The following HNRNPH1 variants were observed in gnomAD, a reference collection of about 807,000 sequenced individuals.
HNRNPH1 encodes the protein heterogeneous nuclear ribonucleoprotein H.
HNRNPH1 carries 4 observed loss-of-function variants against 58.6 expected under a neutral mutation model. The observed-to-expected ratio is 0.07, with a 90% confidence interval of 0.03 to 0.16. The LOEUF (loss-of-function observed/expected upper bound fraction) is 0.16. Among genes scored for constraint, HNRNPH1 ranks in the 10% least tolerant of loss-of-function variants. HNRNPH1 has a pLI of 1.00. For missense variants in HNRNPH1, 271 were observed against 564.2 expected (o/e 0.48, Z 5.26); for synonymous variants, 192 against 189.2 (o/e 1.01, Z -0.12).
intron 2 of HNRNPH1, among the ~76,000 whole-genome samples, chr5:179,629,803 A>G (rs912815366): frequency 1.3e-5 from 2 of 152,042 alleles, no homozygotes; most frequent in African/African-American, 4.8e-5. Flanking sequence ...CAGGTGGATC[A>G]CTTGACATCA....
chr5:179,617,884 C>T, exon 7 of HNRNPH1: 1 of 1,613,524 alleles, frequency 6.2e-7, no homozygotes, highest in Non-Finnish European at 8.5e-7. Context: ...AGTAGAGCCA[C>T]CATCCCCGTA....
intron 2 of HNRNPH1, among the ~76,000 whole-genome samples, chr5:179,630,125 G>T (rs1001366605): frequency 6.6e-6 from 1 of 152,092 alleles, no homozygotes; most frequent in African/African-American, 2.4e-5. Flanking sequence ...AAGGTGGGTG[G>T]ATTACCTGAG....
At chr5:179,621,158 A>T in intron 2 of HNRNPH1, 84 bp downstream of exon 3, 1 of 1,492,340 alleles carries the variant, frequency 6.7e-7, no homozygotes, top group Non-Finnish European at 9.3e-7. Context: ...ATTTCCATGC[A>T]GTCAAATACC....
chr5:179,617,312 C>A (rs1770249237), intron 8 of HNRNPH1: 1 of 735,980 alleles, frequency 1.4e-6, no homozygotes, highest in Admixed American at 2.9e-5. Context: ...TAAGGATATA[C>A]ACTTCAAGAT....
chr5:179,633,950 A>AATAAAATAAAATAAAATAAC (rs1775055577), intron 2 of HNRNPH1: 1 of 152,140 alleles, frequency 6.6e-6, no homozygotes, highest in Non-Finnish European at 1.5e-5. Flanking sequence ...AATAAAATAA[A>AATAAAATAAAATAAAATAAC]ATAACAAAGT....
chr5:179,626,919 G>A (rs1200364102), upstream of HNRNPH1, among the ~76,000 whole-genome samples: 2 of 151,400 alleles, frequency 1.3e-5, no homozygotes, highest in Non-Finnish European at 2.9e-5. Context: ...TAGCTGGGAC[G>A]ACAGGCGCCC....
chr5:179,634,070 G>C (rs1314467437), exon 2 of HNRNPH1: 2 of 150,986 alleles, frequency 1.3e-5, no homozygotes, highest in Non-Finnish European at 1.5e-5. Flanking sequence ...CTCACCTTTT[G>C]TTCCATCCCG....
In HNRNPH1 at chr5:179,621,052, G is replaced by C. The variant is rs372649727; in HGVS notation, c.254-17C>G. 6.2e-6 allele frequency: 10 copies of C among 1,610,950 alleles called. No homozygotes were observed. Among genetic ancestry groups the C allele is most frequent in the Non-Finnish European group, 7.6e-6 (9 of 1,177,770 alleles). ...ACTTGAATACTGAAAGAGGTGCTTA[G>C]AATTAGTCACTTTTGGAAAATTAGA... On this transcript the variant is annotated splice_polypyrimidine_tract_variant and intron_variant, in intron 2 of 12. Coordinates refer to ENST00000356731, the Ensembl canonical transcript of HNRNPH1.
At chr5:179,616,063 A>G in intron 11 of HNRNPH1, 63 bp downstream of exon 12, 1 of 1,361,224 alleles carries the variant, frequency 7.3e-7, no homozygotes, top group Non-Finnish European at 1.1e-6. Flanking sequence ...AACTTACTCT[A>G]AGTACAGTAA....
At chr5:179,615,506 T>C in intron 12 of HNRNPH1, 40 bp downstream of exon 13, 1 of 1,081,956 alleles carries the variant, frequency 9.2e-7, no homozygotes, top group Non-Finnish European at 1.4e-6. Flanking sequence ...CATATCAGTA[T>C]TTGCTATTGG....
chr5:179,620,626 AGTT>A, intron 3 of HNRNPH1: 1 of 365,332 alleles, frequency 2.7e-6, no homozygotes, highest in Non-Finnish European at 5.0e-6. Context: ...TGAGGAAAGT[AGTT>A]AAGCTGTTGA....
At chr5:179,623,287 G>A (rs1244301183) in exon 1 of HNRNPH1, 5 of 496,490 alleles carry the variant, frequency 1.0e-5, no homozygotes, top group South Asian at 1.9e-5. Flanking sequence ...CCACCCCGGC[G>A]ACTCCAACAC....
chr5:179,625,659 CAA>C (rs372265224), upstream of HNRNPH1, among the ~76,000 whole-genome samples: 49,206 of 105,532 alleles, frequency 0.47, 8,677 homozygotes, highest in Non-Finnish European at 0.52. Context: ...AACTCCGTCT[CAA>C]AAAAAAAAAA....
chr5:179,615,479 A>G (rs926055335), intron 12 of HNRNPH1, 67 bp downstream of exon 13: 1 of 879,938 alleles, frequency 1.1e-6, no homozygotes, highest in Non-Finnish European at 1.9e-6. Context: ...TGACTGCTAT[A>G]GAAAGCATTA....
At chr5:179,618,847 G>C (rs1286938750) in intron 4 of HNRNPH1, 2 of 158,240 alleles carry the variant, frequency 1.3e-5, no homozygotes, top group Non-Finnish European at 2.8e-5. Flanking sequence ...TGAAAGCTAT[G>C]CTTATTAATA....
intron 2 of HNRNPH1, 72 bp downstream of exon 3, chr5:179,621,170 A>C: frequency 6.5e-7 from 1 of 1,527,390 alleles, no homozygotes; most frequent in Middle Eastern, 1.7e-4. Flanking sequence ...TCAAATACCT[A>C]AAATTCAGAA....
At chr5:179,625,040 GC>G (rs979753144), upstream of HNRNPH1, among the ~76,000 whole-genome samples, 10 of 152,206 alleles carry the variant, frequency 6.6e-5, no homozygotes, top group Non-Finnish European at 1.3e-4. Flanking sequence ...CAGCAGGGGA[GC>G]CGTAAACCCT....
At chr5:179,617,367 T>A in intron 8 of HNRNPH1, 147 bp downstream of exon 9, 2 of 981,506 alleles carry the variant, frequency 2.0e-6, no homozygotes, top group Non-Finnish European at 3.0e-6. Flanking sequence ...AACCCAAACC[T>A]TCAACACACT....
At position 179,617,654 on chromosome 5, in the gene HNRNPH1, AAC is replaced by A; in HGVS notation, c.922-7_922-6del. 5.0e-6 allele frequency: 8 copies of A among 1,609,470 alleles called. No individual in the cohort carries two copies. The highest frequency in any genetic ancestry group is 5.9e-6 in the Non-Finnish European group (7 of 1,178,320). Reference sequence around the variant, plus strand: ...AGGGTTGAGCGGTGAAAAAAACTACAACACAAGGCATTTCAAAGAATTCAACC... The same window carrying A: ...AGGGTTGAGCGGTGAAAAAAACTACAACAAGGCATTTCAAAGAATTCAACC... On this transcript the variant is annotated splice_region_variant and splice_polypyrimidine_tract_variant and intron_variant, in intron 7 of 12. Coordinates refer to ENST00000356731, the Ensembl canonical transcript of HNRNPH1.
Sources: gnomAD v4.1 joint callset for allele counts (sites outside exome capture counted in the v4.1 genomes callset) on GRCh38, gnomAD v4.1.1 for gene constraint, MANE v1.5 for transcripts, NCBI Gene and HGNC (gene_info 2026-07-23, HGNC 2026-07-21) for gene names.